RALGAPA1: variants seen among roughly 807,000 people sequenced by gnomAD.
The protein encoded by RALGAPA1 is Ral GTPase activating protein catalytic subunit alpha 1.
RALGAPA1 carries 52 observed loss-of-function variants against 269.6 expected under a neutral mutation model. The ratio of observed to expected loss-of-function variants is 0.19; its 90% CI spans 0.15 to 0.24. RALGAPA1 has a LOEUF of 0.24. Among genes scored for constraint, RALGAPA1 ranks in the 10% least tolerant of loss-of-function variants. The pLI is 1.00. For missense variants in RALGAPA1, 1,917 were observed against 3,013.9 expected, an observed-to-expected ratio of 0.64 and a Z score of 8.52; for synonymous variants, 817 against 1,008.3, an observed-to-expected ratio of 0.81 and a Z score of 3.60.
rs550978774 is a variant in RALGAPA1 at position 35,717,945 on chromosome 14, C to T, written c.2266+3743G>A. 5.9e-5 allele frequency among the ~76,000 whole-genome samples: 9 copies of T among 152,246 alleles called. No homozygotes were observed. The South Asian group carries it at 1.7e-3, about 28-fold the overall frequency. On this transcript the variant is annotated intron_variant, in intron 16 of 41. Transcript: ENST00000680220. Reference sequence around the variant, plus strand: ...ACGCTCTCTTCTTTCCTTACTCCTCCTCAAACACTCAAAAGCCCTAGAGCA... The same window carrying T: ...ACGCTCTCTTCTTTCCTTACTCCTCTTCAAACACTCAAAAGCCCTAGAGCA...
Position 35,761,019 on chromosome 14 carries a change from G to C in RALGAPA1, c.370-13C>G. ...CTTCCCGCCTAATCTAAAATAAAATGAAAATAGACAGTATTTTTATTTATA... is the reference window on the plus strand; with the variant it reads ...CTTCCCGCCTAATCTAAAATAAAATCAAAATAGACAGTATTTTTATTTATA... On this transcript the variant is annotated splice_polypyrimidine_tract_variant and intron_variant, in intron 5 of 41. Coordinates refer to ENST00000680220, the MANE Select transcript of RALGAPA1 (RefSeq NM_001346249.2). 1.3e-6 allele frequency: 2 copies of C among 1,551,458 alleles called. No individual in the cohort carries two copies. The highest frequency in any genetic ancestry group is 1.7e-6 in the Non-Finnish European group (2 of 1,144,562).
At chr14:35,569,493 T>C (rs1170508932) in intron 39 of RALGAPA1, among the ~76,000 whole-genome samples, 3 of 152,206 alleles carry the variant, frequency 2.0e-5, no homozygotes, top group African/African-American at 4.8e-5. Flanking sequence ...TCTCATTTTA[T>C]AGACAAGAAA....
chr14:35,674,835 A>T (rs1275792466), intron 22 of RALGAPA1, 126 bp from the exon 23 acceptor site: 1 of 536,928 alleles, frequency 1.9e-6, no homozygotes, highest in African/African-American at 1.9e-5. Context: ...GTCAACATAC[A>T]TTATTTTTTC....
intron 1 of RALGAPA1, among the ~76,000 whole-genome samples, chr14:35,787,298 T>C (rs2075864081): frequency 6.6e-6 from 1 of 152,224 alleles, no homozygotes; most frequent in Non-Finnish European, 1.5e-5. Context: ...ATTATTTTTA[T>C]TAAACACATT....
rs2076695994 is a variant in RALGAPA1, at chr14:35,797,889, T to C, written c.106+10841A>G. Reference sequence around the variant, plus strand: ...AAAAGAGACTTTTTTTTTCTTTTTTTGGAGACAGGGTCTTGCTCTGTTGTC... The same window carrying C: ...AAAAGAGACTTTTTTTTTCTTTTTTCGGAGACAGGGTCTTGCTCTGTTGTC... On this transcript the variant is annotated intron_variant, in intron 1 of 41. Transcript: ENST00000680220. Among the ~76,000 whole-genome samples the C allele has an allele frequency of 2.0e-5, 3 of 151,730 alleles. No individual in the cohort carries two copies. In the South Asian group the frequency reaches 6.2e-4, roughly 31 times the overall value.
intron 35 of RALGAPA1, among the ~76,000 whole-genome samples, chr14:35,610,574 G>A (rs1037467653): frequency 6.6e-6 from 1 of 152,034 alleles, no homozygotes; most frequent in Non-Finnish European, 1.5e-5. Flanking sequence ...GAGCCACTGC[G>A]CCTGGCCAAA....
intron 1 of RALGAPA1, among the ~76,000 whole-genome samples, chr14:35,800,498 T>TA (rs964710911): frequency 4.6e-5 from 7 of 152,102 alleles, no homozygotes; most frequent in East Asian, 1.9e-4. Flanking sequence ...ACCCATGGAT[T>TA]AAAAAAAATC....
Position 35,627,649 on chromosome 14 carries a change from T to G in RALGAPA1, c.6298A>C (p.Asn2100His). ...LSAGLASANS[N>H]VRIIVRDLSG... ...AGATCACGTACTATGATTCTGACATTTGAATTGGCTGATGCAAGGCCAGCA... is the reference window on the plus strand; with the variant it reads ...AGATCACGTACTATGATTCTGACATGTGAATTGGCTGATGCAAGGCCAGCA... The change falls in exon 34 of 42, where the codon AAT (asparagine) becomes CAT (histidine). Residue 2100 changes from asparagine to histidine, a missense_variant. By Grantham distance (68) the Asn-to-His change is moderately conservative (BLOSUM62 1). This residue lies in a region of RALGAPA1 where 346 missense variants were observed against 566.1 expected (regional missense o/e 0.61). Coordinates refer to ENST00000680220, the MANE Select transcript of RALGAPA1 (RefSeq NM_001346249.2). 1.3e-6 allele frequency: 2 copies of G among 1,589,074 alleles called. No homozygotes were observed. The highest frequency in any genetic ancestry group is 1.7e-6 in the Non-Finnish European group (2 of 1,165,834).
At chr14:35,631,675 G>A (rs1462663677) in intron 33 of RALGAPA1, among the ~76,000 whole-genome samples, 1 of 152,022 alleles carries the variant, frequency 6.6e-6, no homozygotes, top group African/African-American at 2.4e-5. Flanking sequence ...GCTTTGGCTT[G>A]CTCTGTGATT....
intron 31 of RALGAPA1, among the ~76,000 whole-genome samples, chr14:35,644,565 C>G (rs746853734): frequency 6.6e-6 from 1 of 152,148 alleles, no homozygotes; most frequent in East Asian, 1.9e-4. Flanking sequence ...AAGACAAGCA[C>G]TCTTAACTAT....
At position 35,688,460 on chromosome 14, in the gene RALGAPA1, T is replaced by C. The variant is rs1238941073; in HGVS notation, c.3951A>G (p.Ala1317=). 2 of 1,536,170 alleles carry C rather than the reference T, an allele frequency of 1.3e-6. No individual in the cohort carries two copies. Among genetic ancestry groups the C allele is most frequent in the Admixed American group, 3.9e-5 (2 of 51,008 alleles). The change falls in exon 18 of 42, where the codon GCA becomes GCG. Residue 1317 remains alanine, a splice_region_variant and synonymous_variant. Transcript: ENST00000680220. ...HVMGYFGRKA[A]VNKEDMSQKL... The stretch of plus-strand genomic sequence containing the variant: ...GCTCTGCACACTGTTAGTGCTCACC[T>C]GCAGCTTTCCTTCCAAAATAGCCCA...
At chr14:35,548,276 G>T (rs2054634920) in intron 41 of RALGAPA1, among the ~76,000 whole-genome samples, 1 of 152,168 alleles carries the variant, frequency 6.6e-6, no homozygotes, top group African/African-American at 2.4e-5. Context: ...TTTCAACCAA[G>T]GGATTCTATT....
intron 10 of RALGAPA1, among the ~76,000 whole-genome samples, chr14:35,742,801 GACC>G (rs1435542918): frequency 6.8e-6 from 1 of 148,018 alleles, no homozygotes; most frequent in Non-Finnish European, 1.5e-5. Flanking sequence ...TCTAAATAGA[GACC>G]ACAACACTTA....
chr14:35,677,638 A>G (rs967036576), intron 22 of RALGAPA1: 2 of 271,182 alleles, frequency 7.4e-6, no homozygotes, highest in Non-Finnish European at 1.4e-5. Flanking sequence ...AACTAAGAAT[A>G]AGGATGCCAA....
intron 1 of RALGAPA1, among the ~76,000 whole-genome samples, chr14:35,786,904 G>A (rs1347388872): frequency 1.3e-5 from 2 of 152,036 alleles, no homozygotes; most frequent in African/African-American, 2.4e-5. Context: ...TTTGTGGGAC[G>A]TACATCTCAT....
At chr14:35,652,104 T>C (rs1245558471) in intron 30 of RALGAPA1, among the ~76,000 whole-genome samples, 1 of 152,212 alleles carries the variant, frequency 6.6e-6, no homozygotes, top group African/African-American at 2.4e-5. Flanking sequence ...ATACATATTC[T>C]GTCAACCATA....
intron 35 of RALGAPA1, among the ~76,000 whole-genome samples, chr14:35,611,177 A>C (rs1277689599): frequency 2.6e-5 from 4 of 152,054 alleles, no homozygotes; most frequent in Non-Finnish European, 2.9e-5. Flanking sequence ...CTGAGGCAGG[A>C]GGACTACTTG....
chr14:35,617,352 G>T (rs570704178), intron 35 of RALGAPA1, among the ~76,000 whole-genome samples: 2 of 151,944 alleles, frequency 1.3e-5, no homozygotes, highest in East Asian at 3.9e-4. Context: ...GCACAGTGGC[G>T]CATGCCTGTA....
At chr14:35,685,729 C>T (rs764442154) in intron 19 of RALGAPA1, among the ~76,000 whole-genome samples, 1 of 152,112 alleles carries the variant, frequency 6.6e-6, no homozygotes, top group African/African-American at 2.4e-5. Flanking sequence ...CATGGTGAAA[C>T]CCTGTCTCTA....
Sources: gnomAD v4.1 joint callset for allele counts (sites outside exome capture counted in the v4.1 genomes callset) on GRCh38, gnomAD v4.1.1 for gene constraint, gnomAD v4.1.1 regional missense constraint, MANE v1.5 for transcripts, NCBI Gene and HGNC (gene_info 2026-07-23, HGNC 2026-07-21) for gene names.